The following RYR1 variants were observed in gnomAD, a reference collection of about 807,000 sequenced individuals.
The protein encoded by RYR1 is ryanodine receptor 1.
Under a neutral mutation model 583.5 loss-of-function variants are expected in RYR1, and 342 were observed. That is an observed-to-expected ratio of 0.59 (90% CI 0.54 to 0.64). The LOEUF (loss-of-function observed/expected upper bound fraction) is 0.64. Among genes scored for constraint, RYR1 ranks in the 30% least tolerant of loss-of-function variants. The pLI is 0.00. For synonymous variants in RYR1, 2,791 were observed against 2,822.5 expected, an observed-to-expected ratio of 0.99 and a Z score of 0.35; for missense variants, 6,032 against 6,917.2, an observed-to-expected ratio of 0.87 and a Z score of 4.54.
chr19:38,523,381 C>T, intron 69 of RYR1, 72 bp downstream of exon 69: 5 of 1,577,576 alleles, frequency 3.2e-6, no homozygotes, highest in Non-Finnish European at 3.5e-6. Flanking sequence ...CCTACCTGGC[C>T]TGTCCTCACC....
chr19:38,507,591 A>T (rs1970530653), intron 57 of RYR1, 121 bp from the exon 58 acceptor site: 1 of 740,348 alleles, frequency 1.4e-6, no homozygotes, highest in Non-Finnish European at 2.5e-6. Context: ...TGGAGCCCCA[A>T]CCTGGGGTGA....
intron 80 of RYR1, 48 bp downstream of exon 80, chr19:38,535,268 G>T (rs201880331): frequency 6.2e-7 from 1 of 1,613,076 alleles, no homozygotes; most frequent in Admixed American, 1.7e-5. Context: ...GGGATGAGAG[G>T]TTCCTGTGTG....
chr19:38,464,797 C>G, intron 23 of RYR1, 75 bp downstream of exon 23: 1 of 1,372,990 alleles, frequency 7.3e-7, no homozygotes, highest in Non-Finnish European at 1.0e-6. Flanking sequence ...CTGGGGAGGT[C>G]GAGGGGTCTT....
Position 38,440,759 on chromosome 19 carries a change from C to T in RYR1, c.60C>T (p.Val20=), listed in dbSNP as rs766073662. The T allele has an allele frequency of 1.9e-6, 3 of 1,607,616 alleles. No homozygotes were observed. In the East Asian group the frequency reaches 6.7e-5, roughly 36 times the overall value. ...VQFLRTDDEV[V]LQCSATVLKE... ...CGGTTCCGCAGGACGATGAGGTGGT[C>T]CTGCAGTGCAGCGCTACCGTGCTCA... The change falls in exon 2 of 106, where the codon GTC becomes GTT. Residue 20 remains valine (V), a synonymous_variant. Coordinates refer to ENST00000359596, the MANE Select transcript of RYR1 (RefSeq NM_000540.3).
At chr19:38,526,682 C>T (rs1049209120) in intron 71 of RYR1, among the ~76,000 whole-genome samples, 8 of 151,986 alleles carry the variant, frequency 5.3e-5, no homozygotes, top group South Asian at 4.2e-4. Flanking sequence ...ACTCTGACCC[C>T]CCAGTCATCC....
At chr19:38,542,708 A>T (rs1972251161) in intron 84 of RYR1, among the ~76,000 whole-genome samples, 1 of 151,702 alleles carries the variant, frequency 6.6e-6, no homozygotes, top group Admixed American at 6.6e-5. Context: ...TTTAGTAGAG[A>T]CGGGATTTCA....
Position 38,565,665 on chromosome 19 carries a change from G to T in RYR1, c.13331G>T (p.Gly4444Val). 3 of 1,391,456 alleles carry T rather than the reference G, an allele frequency of 2.2e-6. No individual in the cohort carries two copies. The highest frequency in any genetic ancestry group is 3.2e-5 in the South Asian group (2 of 61,570). The allele number at this position is 1,391,456 out of a possible 1,614,324, so 86.2% of individuals were successfully genotyped here. A position where few individuals can be genotyped will look rare whatever the true frequency, so the allele number is the denominator to read the frequency against. The change falls in exon 91 of 106, where the codon GGC becomes GTC. Residue 4444 changes from glycine (G) to valine (V), a missense_variant. Physicochemically the swap from Gly to Val is moderately radical, Grantham distance 109. Around this residue, in one of 11 missense-constraint regions of RYR1, gnomAD observed 753 missense variants for 759.6 expected, o/e 0.99. Transcript: ENST00000359596. The surrounding 1 kb of genome is among the most constrained non-coding windows in gnomAD (Gnocchi z 4.7). ...ADGAVAVTDG[G>V]PFRPEGAGGL... is the part of the protein sequence containing the mutation. Reference sequence around the variant, plus strand: ...GGGGCGGTGGCCGTGACCGATGGGGGCCCCTTCCGGCCCGAAGGGGCTGGC... The same window carrying T: ...GGGGCGGTGGCCGTGACCGATGGGGTCCCCTTCCGGCCCGAAGGGGCTGGC...
Position 38,496,254 on chromosome 19 carries a change from C to T in RYR1, c.6588C>T (p.Asn2196=), listed in dbSNP as rs1969817957. 1 of 1,613,980 alleles carries T rather than the reference C, an allele frequency of 6.2e-7. No individual in the cohort carries two copies. Among genetic ancestry groups the T allele is most frequent in the Non-Finnish European group, 8.5e-7 (1 of 1,180,038 alleles). The change falls in exon 40 of 106, where the codon AAC becomes AAT. Residue 2196 remains asparagine (N), a synonymous_variant. Transcript: ENST00000359596. This position sits in a 1 kb window ranked among gnomAD's most constrained non-coding sequence, Gnocchi z 4.8. ...ACAAAGTCTTCTACCAACACCCGAA[C>T]CTGATGAGGGCGCTGGGCATGCACG... The part of the protein sequence containing the change: ...MNNKVFYQHP[N]LMRALGMHET...
At chr19:38,457,402 T>C (rs1967470368) in intron 16 of RYR1, 95 bp from the exon 17 acceptor site, 1 of 1,569,056 alleles carries the variant, frequency 6.4e-7, no homozygotes, top group Non-Finnish European at 8.8e-7. Flanking sequence ...CCCGATGCGC[T>C]GTCCTTTCCT....
chr19:38,565,469 C>T lies in RYR1; in HGVS notation c.13135C>T (p.Leu4379Phe), dbSNP rs1973364891. The T allele has an allele frequency of 6.7e-7, 1 of 1,503,568 alleles. No homozygotes were observed. The highest frequency in any genetic ancestry group is 8.8e-7 in the Non-Finnish European group (1 of 1,133,736). 93.1% of individuals were successfully genotyped at this position (1,503,568 alleles called of 1,614,324 possible). A position where few individuals can be genotyped will look rare whatever the true frequency, so the allele number is the denominator to read the frequency against. The change falls in exon 91 of 106, where the codon CTC becomes TTC. Residue 4379 changes from leucine to phenylalanine, a missense_variant. By Grantham distance (22) the Leu-to-Phe change is conservative. Coordinates refer to ENST00000359596, the MANE Select transcript of RYR1 (RefSeq NM_000540.3). This position sits in a 1 kb window ranked among gnomAD's most constrained non-coding sequence, Gnocchi z 4.7. ...CGCCAAGAAGGTGACGGTGACCGAG[C>T]TCCTGGCAGGCATGCCCGACCCCAC... is the stretch of plus-strand genomic sequence containing the variant. ...EGAKKVTVTE[L>F]LAGMPDPTSD...
intron 64 of RYR1, among the ~76,000 whole-genome samples, chr19:38,515,867 G>A (rs756306975): frequency 1.3e-5 from 2 of 152,180 alleles, no homozygotes; most frequent in Non-Finnish European, 2.9e-5. Context: ...CTTGAACCCA[G>A]GAATGTGAGG....
At chr19:38,566,798 A>G in intron 91 of RYR1, 113 bp from the exon 92 acceptor site, 2 of 1,539,136 alleles carry the variant, frequency 1.3e-6, no homozygotes, top group Admixed American at 2.0e-5. Flanking sequence ...AGGGAAGTGT[A>G]AAACTTAGAT....
rs1021291260 is a variant in RYR1 at position 38,550,007 on chromosome 19, C to T, written c.12282+1587C>T. On this transcript the variant is annotated intron_variant, in intron 89 of 105. Transcript: ENST00000359596. The stretch of plus-strand genomic sequence containing the variant: ...CTGGCCTCAAGTGATCTGCCTGCCT[C>T]GGCCTCCCAAAGTGCTGGGATTACA... Among the ~76,000 whole-genome samples the T allele has an allele frequency of 5.3e-5, 8 of 151,590 alleles. No homozygotes were observed. In the South Asian group the frequency reaches 6.3e-4, roughly 12 times the overall value.
At chr19:38,502,803 GCAGGGGGAGGAGC>G in intron 48 of RYR1, 64 bp from the exon 49 acceptor site, 1 of 871,154 alleles carries the variant, frequency 1.1e-6, no homozygotes, top group Non-Finnish European at 1.5e-6. Context: ...AGGGGCAGGG[GCAGGGGGAGGAGC>G]AGGGGCAGGG....
intron 25 of RYR1, 74 bp from the exon 26 acceptor site, chr19:38,468,892 C>T: frequency 6.7e-7 from 1 of 1,498,468 alleles, no homozygotes; most frequent in Non-Finnish European, 9.2e-7. Context: ...ATATATCTCT[C>T]CCTCCCTGCT....
chr19:38,464,762 G>A (rs1968003460), intron 23 of RYR1, 40 bp downstream of exon 23: 1 of 1,534,020 alleles, frequency 6.5e-7, no homozygotes, highest in Non-Finnish European at 8.9e-7. Flanking sequence ...GGATGGACTG[G>A]GGGCTGGGGA....
intron 27 of RYR1, among the ~76,000 whole-genome samples, chr19:38,470,860 A>G (rs1968386301): frequency 6.6e-6 from 1 of 152,238 alleles, no homozygotes; most frequent in Non-Finnish European, 1.5e-5. Context: ...GTAGGAGGTG[A>G]CAGTGGAGTC....
chr19:38,488,697 G>A (rs1287925935), intron 34 of RYR1, among the ~76,000 whole-genome samples: 1 of 152,108 alleles, frequency 6.6e-6, no homozygotes. Flanking sequence ...TAGAGACGGG[G>A]TTTCACCATG....
rs1006306690 is a variant in RYR1 at position 38,512,802 on chromosome 19, A to G, written c.9472+319A>G. Among the ~76,000 whole-genome samples, 2 of 143,402 alleles carry G rather than the reference A, an allele frequency of 1.4e-5. No individual in the cohort carries two copies. Among genetic ancestry groups the G allele is most frequent in the Non-Finnish European group, 3.1e-5 (2 of 64,714 alleles). The allele number at this position is 143,402 out of a possible 152,430, so 94.1% of individuals were successfully genotyped here. A position where few individuals can be genotyped will look rare whatever the true frequency, so the allele number is the denominator to read the frequency against. ...AACATAGCGAGACCCTGTCTCTACTAAAAAAAAAAAGAAAAATTTAAAGAT... is the reference window on the plus strand; with the variant it reads ...AACATAGCGAGACCCTGTCTCTACTGAAAAAAAAAAGAAAAATTTAAAGAT... On this transcript the variant is annotated intron_variant, in intron 63 of 105. Coordinates refer to ENST00000359596, the MANE Select transcript of RYR1 (RefSeq NM_000540.3). The surrounding 1 kb of genome is among the most constrained non-coding windows in gnomAD (Gnocchi z 5.1).
Sources: allele counts gnomAD v4.1 joint callset (sites outside exome capture counted in the v4.1 genomes callset), GRCh38; gene constraint gnomAD v4.1.1; regional missense constraint gnomAD v4.1.1; non-coding constraint Gnocchi (gnomAD v3.1); transcripts MANE v1.5; gene names NCBI Gene and HGNC (gene_info 2026-07-23, HGNC 2026-07-21).